Variants in BTBD9 observed in about 807,000 individuals in gnomAD.
BTBD9 encodes BTB domain containing 9.
BTBD9 carries 49 observed loss-of-function variants against 64.3 expected under a neutral mutation model. That is an observed-to-expected ratio of 0.76 (90% CI 0.61 to 0.97). BTBD9 has a LOEUF of 0.97. Among genes scored for constraint, BTBD9 ranks in the 50% least tolerant of loss-of-function variants. The probability of loss-of-function intolerance (pLI) is 0.00; values close to 1 mark genes in which losing one functional copy is unlikely to be tolerated. For synonymous variants in BTBD9, 260 were observed against 274.7 expected, an observed-to-expected ratio of 0.95 and a Z score of 0.53; for missense variants, 598 against 762.1, an observed-to-expected ratio of 0.78 and a Z score of 2.53.
intron 6 of BTBD9, among the ~76,000 whole-genome samples, chr6:38,550,979 C>T (rs1007719950): frequency 6.6e-6 from 1 of 152,180 alleles, no homozygotes; most frequent in African/African-American, 2.4e-5. Context: ...CATACCAGAG[C>T]CAGTTGCTGT....
At chr6:38,464,095 A>G (rs773987636) in intron 6 of BTBD9, among the ~76,000 whole-genome samples, 1 of 152,166 alleles carries the variant, frequency 6.6e-6, no homozygotes, top group Non-Finnish European at 1.5e-5. Context: ...AAGTGTCCTT[A>G]TAAGAAGTGA....
chr6:38,346,738 T>C (rs575448425), intron 6 of BTBD9, among the ~76,000 whole-genome samples: 2 of 152,298 alleles, frequency 1.3e-5, no homozygotes, highest in African/African-American at 2.4e-5. Context: ...GGAAGGGGTG[T>C]ATTAATTCTG....
chr6:38,338,059 T>C (rs1479479935), intron 7 of BTBD9, among the ~76,000 whole-genome samples: 2 of 152,314 alleles, frequency 1.3e-5, no homozygotes, highest in Middle Eastern at 3.4e-3. Flanking sequence ...AGAGTTCTTG[T>C]GCTTCTGCTG....
rs534201656 is a variant in BTBD9 at position 38,608,159 on chromosome 6, T to C, written c.-27-10038A>G. 3.5e-4 allele frequency among the ~76,000 whole-genome samples: 54 copies of C among 152,260 alleles called. 1 individual carries two copies. The highest frequency in any genetic ancestry group is 3.4e-4 in the Non-Finnish European group (23 of 67,982). ...TGACTCCCTATAAGGCAATCTCCCA[T>C]AAAATAAGATGACTTTTAGGAATGA... is the stretch of plus-strand genomic sequence containing the variant. On this transcript the variant is annotated intron_variant, in intron 1 of 10. Transcript: ENST00000481247.
At chr6:38,187,943 G>A (rs185268084) in intron 10 of BTBD9, among the ~76,000 whole-genome samples, 3 of 152,306 alleles carry the variant, frequency 2.0e-5, no homozygotes, top group Non-Finnish European at 2.9e-5. Context: ...TCAGACTGCC[G>A]AGGCCACTGT....
chr6:38,575,538 T>C (rs1018111878), intron 6 of BTBD9, among the ~76,000 whole-genome samples: 2 of 152,160 alleles, frequency 1.3e-5, no homozygotes, highest in African/African-American at 2.4e-5. Context: ...AGTTAGAACA[T>C]TGTTTAGGTA....
At position 38,600,344 on chromosome 6, in the gene BTBD9, T is replaced by C. The variant is rs183658185; in HGVS notation, c.-27-2223A>G. ...ATTAGACTCGCAGGTCATAGTTTGC[T>C]AGCCCCTGGCCTACCCCGTGATCAA... is the stretch of plus-strand genomic sequence containing the variant. On this transcript the variant is annotated intron_variant, in intron 1 of 10. Coordinates refer to ENST00000481247, the MANE Select transcript of BTBD9 (RefSeq NM_001099272.2). Among the ~76,000 whole-genome samples, 403 of 152,360 alleles carry C rather than the reference T, an allele frequency of 2.6e-3. 5 individuals are homozygous for C. The highest frequency in any genetic ancestry group is 8.7e-3 in the African/African-American group (361 of 41,592).
chr6:38,487,166 G>A (rs1771475030), intron 6 of BTBD9, among the ~76,000 whole-genome samples: 1 of 152,172 alleles, frequency 6.6e-6, no homozygotes, highest in Non-Finnish European at 1.5e-5. Context: ...CCATCTTTGA[G>A]CTTTTGGTTA....
chr6:38,397,172 G>T (rs1454565160), intron 6 of BTBD9, among the ~76,000 whole-genome samples: 1 of 152,118 alleles, frequency 6.6e-6, no homozygotes, highest in Non-Finnish European at 1.5e-5. Flanking sequence ...AAAGTGCTGG[G>T]ATTACAGGTG....
chr6:38,601,881 G>A (rs1368493078), intron 1 of BTBD9, among the ~76,000 whole-genome samples: 1 of 152,092 alleles, frequency 6.6e-6, no homozygotes, highest in Non-Finnish European at 1.5e-5. Context: ...AAAATATCTA[G>A]CATTCTTCCA....
At chr6:38,293,382 C>G (rs980413072) in intron 7 of BTBD9, among the ~76,000 whole-genome samples, 3 of 152,094 alleles carry the variant, frequency 2.0e-5, no homozygotes, top group African/African-American at 7.2e-5. Context: ...GAAAAAAGAA[C>G]AAAGCTGGAG....
chr6:38,342,957 G>A (rs1764160844), intron 7 of BTBD9, among the ~76,000 whole-genome samples: 1 of 152,288 alleles, frequency 6.6e-6, no homozygotes, highest in South Asian at 2.1e-4. Context: ...GAGCAGCTCT[G>A]AGCTGTGAGG....
At chr6:38,363,571 C>G (rs1290064813) in intron 6 of BTBD9, among the ~76,000 whole-genome samples, 1 of 152,106 alleles carries the variant, frequency 6.6e-6, no homozygotes, top group Non-Finnish European at 1.5e-5. Flanking sequence ...TGACAAAGAC[C>G]CTGTCTCAAG....
intron 6 of BTBD9, among the ~76,000 whole-genome samples, chr6:38,566,816 C>T (rs534322955): frequency 2.0e-3 from 305 of 152,298 alleles, no homozygotes; most frequent in Non-Finnish European, 3.3e-3. Context: ...ACACATATAT[C>T]TCAACAAACC....
intron 6 of BTBD9, among the ~76,000 whole-genome samples, chr6:38,408,121 C>T (rs1157023132): frequency 6.6e-6 from 1 of 152,130 alleles, no homozygotes; most frequent in Non-Finnish European, 1.5e-5. Context: ...CTTTGAGAGG[C>T]CGAGGCAAGA....
chr6:38,304,469 C>T (rs1222379267), intron 7 of BTBD9, among the ~76,000 whole-genome samples: 1 of 151,930 alleles, frequency 6.6e-6, no homozygotes, highest in Non-Finnish European at 1.5e-5. Flanking sequence ...TCGCTTGAAT[C>T]CGGGAGGCAG....
intron 6 of BTBD9, among the ~76,000 whole-genome samples, chr6:38,364,155 G>A (rs1466442670): frequency 1.3e-5 from 2 of 152,228 alleles, no homozygotes; most frequent in Non-Finnish European, 2.9e-5. Flanking sequence ...CACATTCATT[G>A]GTGCCAAGGG....
Position 38,345,272 on chromosome 6 carries a change from TAGA to T in BTBD9, c.1155-182_1155-180del, listed in dbSNP as rs1296455166. On this transcript the variant is annotated intron_variant, in intron 6 of 10. Coordinates refer to ENST00000481247, the MANE Select transcript of BTBD9 (RefSeq NM_001099272.2). Reference sequence around the variant, plus strand: ...CCTTATGGGTAGCTCCAATTGAACCTAGAAGAATTATAGCAAAATAAGGGACAT... The same window carrying T: ...CCTTATGGGTAGCTCCAATTGAACCTAGAATTATAGCAAAATAAGGGACAT... Among the ~76,000 whole-genome samples the T allele has an allele frequency of 8.5e-5, 13 of 152,326 alleles. No individual in the cohort carries two copies. The East Asian group carries it at 2.3e-3, about 27-fold the overall frequency.
At chr6:38,422,839 C>T (rs1268661586) in intron 6 of BTBD9, among the ~76,000 whole-genome samples, 1 of 152,106 alleles carries the variant, frequency 6.6e-6, no homozygotes, top group African/African-American at 2.4e-5. Context: ...GTGGCTCACA[C>T]TTGTAATCTC....
Sources: gnomAD v4.1 joint callset for allele counts (sites outside exome capture counted in the v4.1 genomes callset) on GRCh38, gnomAD v4.1.1 for gene constraint, MANE v1.5 for transcripts, NCBI Gene and HGNC (gene_info 2026-07-23, HGNC 2026-07-21) for gene names.